ATP6V0A1: variants seen among roughly 807,000 people sequenced by gnomAD.
ATP6V0A1 encodes ATPase H+ transporting V0 subunit a1, also known as V-type proton ATPase 116 kDa subunit a 1.
Under a neutral mutation model 105.4 loss-of-function variants are expected in ATP6V0A1, and 43 were observed. The ratio of observed to expected loss-of-function variants is 0.41; its 90% CI spans 0.32 to 0.53. The LOEUF (loss-of-function observed/expected upper bound fraction) is 0.53, where lower values mean the gene tolerates loss of function less well. Ranked by LOEUF, ATP6V0A1 falls within the 20% of genes least tolerant of loss-of-function variation. The probability of loss-of-function intolerance (pLI) is 0.30; values close to 1 mark genes in which losing one functional copy is unlikely to be tolerated. For synonymous variants in ATP6V0A1, 362 were observed against 372.8 expected (o/e 0.97, Z 0.33); for missense variants, 676 against 1,051.1 (o/e 0.64, Z 4.93).
chr17:42,490,301 AG>A (rs1401344200), intron 10 of ATP6V0A1, among the ~76,000 whole-genome samples, 185 bp from the exon 11 acceptor site: 3 of 152,200 alleles, frequency 2.0e-5, no homozygotes, highest in Non-Finnish European at 2.9e-5. Context: ...TTTTCCCAAA[AG>A]CTGGGAAAGA....
chr17:42,489,749 T>G (rs932692504), intron 10 of ATP6V0A1, among the ~76,000 whole-genome samples: 2 of 151,804 alleles, frequency 1.3e-5, no homozygotes, highest in East Asian at 1.9e-4. Context: ...TCCGGGCACA[T>G]TGAGGTCTAT....
intron 9 of ATP6V0A1, among the ~76,000 whole-genome samples, chr17:42,483,520 G>C (rs556468202): frequency 6.6e-5 from 10 of 152,186 alleles, no homozygotes; most frequent in South Asian, 2.1e-4. Context: ...TGATGCTCCT[G>C]CCTCAGCCTC....
At chr17:42,477,847 C>A in intron 6 of ATP6V0A1, 105 bp downstream of exon 6, 1 of 908,000 alleles carries the variant, frequency 1.1e-6, no homozygotes. Context: ...GATATGCCCT[C>A]TTCTGAGCCT....
chr17:42,515,102 G>T (rs1430222391), intron 21 of ATP6V0A1, among the ~76,000 whole-genome samples: 1 of 152,112 alleles, frequency 6.6e-6, no homozygotes, highest in African/African-American at 2.4e-5. Context: ...TTCAGCCTCT[G>T]GGACTGGGAG....
At chr17:42,467,388 C>A (rs1247881330) in intron 3 of ATP6V0A1, among the ~76,000 whole-genome samples, 3 of 152,108 alleles carry the variant, frequency 2.0e-5, no homozygotes, top group African/African-American at 7.2e-5. Context: ...CATGATCTTG[C>A]CACTCTACTA....
At position 42,520,149 on chromosome 17, in the gene ATP6V0A1, G is replaced by A. The variant is rs2092779955; in HGVS notation, c.2421-878G>A. 3.0e-5 allele frequency: 8 copies of A among 266,762 alleles called. 1 individual carries two copies. Among genetic ancestry groups the A allele is most frequent in the South Asian group, 1.9e-4 (5 of 25,730 alleles). The allele number at this position is 266,762 out of a possible 1,614,324, so 16.5% of individuals were successfully genotyped here. The stretch of plus-strand genomic sequence containing the variant: ...GCCTGCCTGTTCTTATAGGGGCTCC[G>A]GTGCCTCCAGGGTCACACAGCACCA... On this transcript the variant is annotated intron_variant, in intron 21 of 21. Coordinates refer to ENST00000343619, the MANE Select transcript of ATP6V0A1 (RefSeq NM_001130021.3).
At chr17:42,495,268 A>T in intron 13 of ATP6V0A1, 80 bp downstream of exon 13, 2 of 1,461,722 alleles carry the variant, frequency 1.4e-6, no homozygotes, top group Non-Finnish European at 1.9e-6. Flanking sequence ...TGGTAAACTG[A>T]CACTTCTTTA....
intron 5 of ATP6V0A1, 179 bp downstream of exon 5, chr17:42,470,397 G>T: frequency 5.8e-6 from 4 of 685,304 alleles, no homozygotes; most frequent in South Asian, 2.1e-5. Flanking sequence ...TACACAACCA[G>T]CCATGGTTTT....
intron 17 of ATP6V0A1, among the ~76,000 whole-genome samples, chr17:42,505,036 CT>C (rs1195871876): frequency 0.026 from 3,707 of 140,756 alleles, 52 homozygotes; most frequent in African/African-American, 0.043. Flanking sequence ...GTGATAATCA[CT>C]TTTTTTTTTT....
chr17:42,481,339 C>T (rs1332623318), intron 8 of ATP6V0A1: 2 of 151,638 alleles, frequency 1.3e-5, no homozygotes, highest in East Asian at 3.9e-4. Context: ...CTCCAGCCAC[C>T]CGAGTAGTTG....
chr17:42,459,482 A>G (rs989001701), intron 1 of ATP6V0A1, among the ~76,000 whole-genome samples: 1 of 152,242 alleles, frequency 6.6e-6, no homozygotes, highest in Non-Finnish European at 1.5e-5. Context: ...ATCGTCCAGA[A>G]CTACTTTGGC....
rs1555619949 is a variant in ATP6V0A1, at chr17:42,522,221, TA to T, written c.*1103del. 2 of 152,478 alleles carry T rather than the reference TA, an allele frequency of 1.3e-5. No homozygotes were observed. The highest frequency in any genetic ancestry group is 2.9e-5 in the Non-Finnish European group (2 of 68,136). The allele number at this position is 152,478 out of a possible 1,614,324, so 9.4% of individuals were successfully genotyped here. On this transcript the variant is annotated 3_prime_UTR_variant, in exon 22 of 22. Transcript: ENST00000343619. ...TTCCTCCTTGTCACCCCGAACCTTG[TA>T]ATCGTGTGCTGGCGTGGCAGCCCTG...
intron 7 of ATP6V0A1, 181 bp downstream of exon 7, chr17:42,478,770 A>G (rs1052194768): frequency 1.1e-5 from 5 of 449,598 alleles, no homozygotes; most frequent in African/African-American, 6.1e-5. Context: ...ATACATATGG[A>G]TGTATGATGT....
At chr17:42,499,089 T>G (rs372973169) in intron 15 of ATP6V0A1, 47 bp downstream of exon 15, 1 of 1,342,256 alleles carries the variant, frequency 7.5e-7, no homozygotes, top group South Asian at 1.2e-5. Context: ...GTTTAGAGAA[T>G]GCTTTTGTGT....
intron 5 of ATP6V0A1, among the ~76,000 whole-genome samples, chr17:42,474,671 T>C (rs2088492270): frequency 6.6e-6 from 1 of 152,246 alleles, no homozygotes; most frequent in Non-Finnish European, 1.5e-5. Flanking sequence ...GATTTTCTTC[T>C]GTGTCTGAAA....
At position 42,495,233 on chromosome 17, in the gene ATP6V0A1, G is replaced by A. The variant is rs764264900; in HGVS notation, c.1469+45G>A. On this transcript the variant is annotated intron_variant, in intron 13 of 21. Transcript: ENST00000343619. ...AAAATTCAAAGCTTATTCCTTTCAT[G>A]TGCAGCCCTGATTTTTAAGACAAGT... 3.1e-6 allele frequency: 5 copies of A among 1,590,112 alleles called. No homozygotes were observed. In the Admixed American group the frequency reaches 8.5e-5, roughly 27 times the overall value.
chr17:42,515,072 G>A (rs140643488), intron 21 of ATP6V0A1, among the ~76,000 whole-genome samples: 1 of 152,116 alleles, frequency 6.6e-6, no homozygotes, highest in African/African-American at 2.4e-5. Context: ...CTTAATGGCT[G>A]TGTGTGGAGA....
chr17:42,501,328 A>G, intron 17 of ATP6V0A1, 24 bp downstream of exon 17: 3 of 1,572,168 alleles, frequency 1.9e-6, no homozygotes, highest in Non-Finnish European at 2.6e-6. Flanking sequence ...TATTGCTAAA[A>G]GTTACTAGAC....
intron 11 of ATP6V0A1, among the ~76,000 whole-genome samples, chr17:42,493,641 T>C (rs1176905372): frequency 6.6e-6 from 1 of 152,008 alleles, no homozygotes; most frequent in African/African-American, 2.4e-5. Flanking sequence ...AAAAATATTA[T>C]TTATCAGTAA....
Sources: allele counts gnomAD v4.1 joint callset (sites outside exome capture counted in the v4.1 genomes callset), GRCh38; gene constraint gnomAD v4.1.1; transcripts MANE v1.5; gene names NCBI Gene and HGNC (gene_info 2026-07-23, HGNC 2026-07-21).